Variants in GRID1 observed in about 807,000 individuals in gnomAD.
GRID1 encodes the protein glutamate ionotropic receptor delta type subunit 1.
Under a neutral mutation model 98.0 loss-of-function variants are expected in GRID1, and 28 were observed. That is an observed-to-expected ratio of 0.29 (90% CI 0.21 to 0.39). The LOEUF (loss-of-function observed/expected upper bound fraction) is 0.39. Ranked by LOEUF, GRID1 falls within the 10% of genes least tolerant of loss-of-function variation. GRID1 has a pLI of 1.00. For synonymous variants in GRID1, 553 were observed against 538.5 expected, an observed-to-expected ratio of 1.03 and a Z score of -0.37; for missense variants, 1,111 against 1,340.5, an observed-to-expected ratio of 0.83 and a Z score of 2.67.
chr10:85,976,637 C>T (rs573258291), intron 4 of GRID1, among the ~76,000 whole-genome samples: 44 of 152,228 alleles, frequency 2.9e-4, no homozygotes, highest in Non-Finnish European at 4.0e-4. Flanking sequence ...CCAGGAGGGT[C>T]CCTCACATTC....
chr10:85,928,715 C>T (rs756256673), intron 4 of GRID1, among the ~76,000 whole-genome samples: 8 of 152,206 alleles, frequency 5.3e-5, no homozygotes, highest in Non-Finnish European at 7.3e-5. Context: ...ACCTACATTC[C>T]CTGTACTGGT....
chr10:85,847,915 C>T (rs1843022240), intron 8 of GRID1, among the ~76,000 whole-genome samples: 1 of 151,994 alleles, frequency 6.6e-6, no homozygotes, highest in Non-Finnish European at 1.5e-5. Context: ...TTTATTGGAA[C>T]AAAATATTGA....
intron 2 of GRID1, among the ~76,000 whole-genome samples, chr10:86,312,625 C>T (rs945225225): frequency 1.2e-4 from 18 of 152,242 alleles, no homozygotes; most frequent in African/African-American, 3.1e-4. Context: ...ACTAGTCCTG[C>T]GACTTGGGCA....
intron 4 of GRID1, among the ~76,000 whole-genome samples, chr10:86,063,280 T>C (rs1202061673): frequency 2.0e-5 from 3 of 152,134 alleles, no homozygotes; most frequent in Admixed American, 6.5e-5. Flanking sequence ...GACAAAGTAA[T>C]AGTGGAAAAC....
intron 2 of GRID1, among the ~76,000 whole-genome samples, chr10:86,263,059 A>T (rs1043654992): frequency 6.6e-6 from 1 of 152,050 alleles, no homozygotes; most frequent in Non-Finnish European, 1.5e-5. Context: ...ATTTCCAACA[A>T]TTTAATGCTC....
At chr10:85,933,203 C>T (rs1375148995) in intron 4 of GRID1, among the ~76,000 whole-genome samples, 1 of 145,694 alleles carries the variant, frequency 6.9e-6, no homozygotes, top group Non-Finnish European at 1.5e-5. Flanking sequence ...TGGCACAGCA[C>T]AAAGGCCCTT....
Position 86,058,379 on chromosome 10 carries a change from A to G in GRID1, c.726+80440T>C, listed in dbSNP as rs114411023. On this transcript the variant is annotated intron_variant, in intron 4 of 15. Transcript: ENST00000327946. ...GTCCAACCTCTCCATGTTCATTACA[A>G]CTGGTTCCCCATTAGCCCACAACTT... is the stretch of plus-strand genomic sequence containing the variant. 8.9e-3 allele frequency among the ~76,000 whole-genome samples: 1,362 copies of G among 152,232 alleles called. 34 individuals carry two copies. The highest frequency in any genetic ancestry group is 0.031 in the African/African-American group (1,278 of 41,528).
chr10:86,339,240 C>G (rs954117068), intron 2 of GRID1, among the ~76,000 whole-genome samples: 8 of 152,200 alleles, frequency 5.3e-5, no homozygotes, highest in Admixed American at 1.3e-4. Context: ...CCTGCACTTT[C>G]GAGAAACATC....
chr10:86,138,394 C>T (rs1357983683), intron 4 of GRID1, among the ~76,000 whole-genome samples: 4 of 152,152 alleles, frequency 2.6e-5, no homozygotes, highest in African/African-American at 9.7e-5. Context: ...TAGGCAAAGA[C>T]ACCTCCTCCA....
intron 13 of GRID1, among the ~76,000 whole-genome samples, chr10:85,632,902 T>G (rs1842992112): frequency 6.6e-6 from 1 of 152,124 alleles, no homozygotes; most frequent in Admixed American, 6.5e-5. Flanking sequence ...TAGGCCCCAG[T>G]GTGTGTTGTT....
At chr10:86,139,359 T>G (rs187492286) in intron 3 of GRID1, among the ~76,000 whole-genome samples, 169 of 152,288 alleles carry the variant, frequency 1.1e-3, no homozygotes, top group African/African-American at 3.8e-3. Context: ...CAGGTCACAT[T>G]TGCTGGCAGT....
intron 4 of GRID1, among the ~76,000 whole-genome samples, chr10:86,071,225 C>T (rs950960297): frequency 6.6e-6 from 1 of 152,222 alleles, no homozygotes; most frequent in African/African-American, 2.4e-5. Context: ...GCTGAGAGAG[C>T]TCACTGGGAC....
intron 3 of GRID1, among the ~76,000 whole-genome samples, chr10:86,190,590 G>T (rs983049148): frequency 6.6e-6 from 1 of 152,230 alleles, no homozygotes; most frequent in Non-Finnish European, 1.5e-5. Flanking sequence ...CATCCTGCAG[G>T]TGTGCAGGGC....
intron 2 of GRID1, among the ~76,000 whole-genome samples, chr10:86,219,890 G>A (rs952290637): frequency 2.0e-5 from 3 of 152,184 alleles, no homozygotes; most frequent in African/African-American, 7.2e-5. Context: ...CTCCCCCCGG[G>A]AGGCAGCCTG....
At chr10:86,011,245 A>G (rs1445144353) in intron 4 of GRID1, among the ~76,000 whole-genome samples, 3 of 152,238 alleles carry the variant, frequency 2.0e-5, no homozygotes, top group Non-Finnish European at 4.4e-5. Flanking sequence ...CAGTGACGAA[A>G]TAACTCACTA....
At chr10:86,355,619 C>T (rs113253182) in intron 2 of GRID1, among the ~76,000 whole-genome samples, 2,204 of 152,338 alleles carry the variant, frequency 0.014, 50 homozygotes, top group African/African-American at 0.05. Context: ...GCCCACACCT[C>T]AGGCCCAGAA....
chr10:85,667,122 C>A (rs1248593039), intron 12 of GRID1, among the ~76,000 whole-genome samples: 1 of 152,154 alleles, frequency 6.6e-6, no homozygotes, highest in Non-Finnish European at 1.5e-5. Context: ...GTAGTGAAGA[C>A]CTCGCTCTCT....
chr10:86,301,392 G>A (rs1589442386), intron 2 of GRID1, among the ~76,000 whole-genome samples: 1 of 152,264 alleles, frequency 6.6e-6, no homozygotes, highest in Admixed American at 6.5e-5. Context: ...TGCTAATGGT[G>A]TGTGGCTAAG....
chr10:85,977,075 G>C (rs535991432), intron 4 of GRID1, among the ~76,000 whole-genome samples: 2 of 152,220 alleles, frequency 1.3e-5, no homozygotes, highest in African/African-American at 4.8e-5. Flanking sequence ...AGGAGCCAGG[G>C]CTGCTTAAAT....
Sources: allele counts gnomAD v4.1 joint callset (sites outside exome capture counted in the v4.1 genomes callset), GRCh38; gene constraint gnomAD v4.1.1; transcripts MANE v1.5; gene names NCBI Gene and HGNC (gene_info 2026-07-23, HGNC 2026-07-21).